Variants in SCEL observed in about 807,000 individuals in gnomAD.
The protein encoded by SCEL is sciellin.
SCEL carries 113 observed loss-of-function variants against 117.6 expected under a neutral mutation model. The observed-to-expected ratio is 0.96, with a 90% CI of 0.83 to 1.12. The LOEUF (loss-of-function observed/expected upper bound fraction) is 1.12, where lower values mean the gene tolerates loss of function less well. Ranked by LOEUF, SCEL falls within the 50% of genes most tolerant of loss-of-function variation. SCEL has a pLI of 0.00. For missense variants in SCEL, 785 were observed against 810.8 expected, an observed-to-expected ratio of 0.97 and a Z score of 0.39; for synonymous variants, 270 against 256.2, an observed-to-expected ratio of 1.05 and a Z score of -0.51.
rs755741313 is a variant in SCEL at position 77,637,251 on chromosome 13, C to CAT, written c.1838+73_1838+74dup. The CAT allele has an allele frequency of 4.7e-3, 1,949 of 412,188 alleles. 42 individuals are homozygous for CAT. The highest frequency in any genetic ancestry group is 0.035 in the African/African-American group (1,564 of 44,958). The allele number at this position is 412,188 out of a possible 1,614,324, so 25.5% of individuals were successfully genotyped here. On this transcript the variant is annotated intron_variant, in intron 30 of 32. Transcript: ENST00000349847. ...GTACACACATACAGACACACACACA[C>CAT]ATATATATATATATATACACACACA... is the stretch of plus-strand genomic sequence containing the variant.
At chr13:77,601,503 T>C (rs1262465517) in intron 15 of SCEL, among the ~76,000 whole-genome samples, 3 of 152,168 alleles carry the variant, frequency 2.0e-5, no homozygotes, top group Admixed American at 6.5e-5. Context: ...TTAGCTTTCA[T>C]ATTCGCTAAT....
intron 24 of SCEL, 29 bp downstream of exon 24, chr13:77,613,984 T>C: frequency 1.3e-6 from 2 of 1,587,870 alleles, no homozygotes; most frequent in Non-Finnish European, 1.7e-6. Flanking sequence ...TTTTGTTGTG[T>C]TTCTCGTTAA....
chr13:77,553,577 C>G (rs2084475661), intron 1 of SCEL, among the ~76,000 whole-genome samples: 1 of 152,086 alleles, frequency 6.6e-6, no homozygotes, highest in Non-Finnish European at 1.5e-5. Flanking sequence ...CTTCATTTTG[C>G]CAGAGTTTAT....
intron 9 of SCEL, among the ~76,000 whole-genome samples, chr13:77,583,420 T>A (rs572449669): frequency 2.2e-4 from 33 of 152,352 alleles, no homozygotes; most frequent in Non-Finnish European, 3.2e-4. Context: ...ACCATTCTTT[T>A]GAACATGTGC....
At chr13:77,602,808 T>C (rs1045933067) in intron 17 of SCEL, 95 bp downstream of exon 17, 4 of 1,072,854 alleles carry the variant, frequency 3.7e-6, no homozygotes, top group Non-Finnish European at 5.7e-6. Flanking sequence ...GGCTTCTCTC[T>C]TCTGTGTCTA....
intron 11 of SCEL, among the ~76,000 whole-genome samples, chr13:77,592,843 G>A (rs1472438749): frequency 1.3e-5 from 2 of 152,034 alleles, no homozygotes; most frequent in African/African-American, 4.8e-5. Context: ...GGGATTACAG[G>A]TGTGAACCAC....
chr13:77,623,436 C>G (rs2089534813), intron 27 of SCEL: 1 of 152,118 alleles, frequency 6.6e-6, no homozygotes, highest in Non-Finnish European at 1.5e-5. Context: ...TTCTTTGTTC[C>G]TTTTCCACTT....
chr13:77,637,235 T>TAC, intron 30 of SCEL, 41 bp downstream of exon 30: 3 of 881,276 alleles, frequency 3.4e-6, no homozygotes, highest in Non-Finnish European at 3.4e-6. Flanking sequence ...AGTACACACA[T>TAC]ACAGACACAC....
intron 1 of SCEL, among the ~76,000 whole-genome samples, chr13:77,544,582 G>T (rs1346712869): frequency 6.6e-6 from 1 of 152,114 alleles, no homozygotes; most frequent in African/African-American, 2.4e-5. Flanking sequence ...TTGGCTCAGG[G>T]AATTCTTGGC....
chr13:77,593,304 G>GTGTGCGCGCGTC (rs2087023866), intron 11 of SCEL, among the ~76,000 whole-genome samples: 1 of 146,706 alleles, frequency 6.8e-6, no homozygotes, highest in South Asian at 2.2e-4. Context: ...GTGTCTGTGT[G>GTGTGCGCGCGTC]TGTGTGTGTG....
At chr13:77,557,764 A>G (rs1034268594) in intron 3 of SCEL, among the ~76,000 whole-genome samples, 2 of 152,332 alleles carry the variant, frequency 1.3e-5, no homozygotes, top group Non-Finnish European at 1.5e-5. Flanking sequence ...TAAACATCCT[A>G]TAAATCACGG....
At chr13:77,611,082 A>G (rs2088615306) in intron 22 of SCEL, among the ~76,000 whole-genome samples, 1 of 152,208 alleles carries the variant, frequency 6.6e-6, no homozygotes, top group Non-Finnish European at 1.5e-5. Flanking sequence ...GTATGTGGCT[A>G]TCAAACAGAG....
At chr13:77,632,509 T>G (rs6563013) in intron 28 of SCEL, among the ~76,000 whole-genome samples, 151,639 of 152,346 alleles carry the variant, frequency 1, 75,466 homozygotes, top group East Asian at 1. Flanking sequence ...AGCTCACCTG[T>G]ATGTTTTGTG....
intron 11 of SCEL, among the ~76,000 whole-genome samples, chr13:77,593,298 C>CGCGCGTCTGTG: frequency 1.4e-5 from 1 of 73,676 alleles, no homozygotes; most frequent in Non-Finnish European, 2.8e-5. Context: ...GTGTGTGTGT[C>CGCGCGTCTGTG]TGTGTGTGTG....
At chr13:77,584,944 G>T (rs2086477932) in intron 9 of SCEL, among the ~76,000 whole-genome samples, 1 of 152,194 alleles carries the variant, frequency 6.6e-6, no homozygotes, top group African/African-American at 2.4e-5. Context: ...CATGTAAATT[G>T]CTCTTCCAGA....
At chr13:77,574,894 A>C (rs987871290) in intron 9 of SCEL, among the ~76,000 whole-genome samples, 3 of 152,160 alleles carry the variant, frequency 2.0e-5, no homozygotes, top group Non-Finnish European at 4.4e-5. Context: ...TCTCCAAAAG[A>C]ATTTTCTCGT....
At chr13:77,617,572 T>A in intron 24 of SCEL, 27 bp from the exon 25 acceptor site, 1 of 1,395,970 alleles carries the variant, frequency 7.2e-7, no homozygotes, top group Non-Finnish European at 1.0e-6. Context: ...CTAACCCAAG[T>A]TGCTTTAATA....
In SCEL at chr13:77,640,757, A is replaced by G; in HGVS notation, c.1920A>G (p.Gln640=). 1 of 1,599,040 alleles carries G rather than the reference A, an allele frequency of 6.3e-7. No individual in the cohort carries two copies. The highest frequency in any genetic ancestry group is 1.7e-5 in the Admixed American group (1 of 59,324). Residue 640 remains glutamine, a synonymous_variant, in exon 31 of 33, where the codon CAA becomes CAG. Coordinates refer to ENST00000349847, the MANE Select transcript of SCEL (RefSeq NM_144777.3). ...CTAAAATGATTTTAGATGAATTACA[A>G]ATTTGCTGCCATTCTACTTGCTTTA... is the stretch of plus-strand genomic sequence containing the variant. ...VETKMILDEL[Q]ICCHSTCFKC... is the part of the protein sequence containing the mutation.
chr13:77,604,448 T>A, intron 19 of SCEL, 33 bp downstream of exon 19: 4 of 1,526,712 alleles, frequency 2.6e-6, no homozygotes, highest in Non-Finnish European at 2.6e-6. Flanking sequence ...CTCCCCTTTG[T>A]TTGGCATTTA....
Sources: gnomAD v4.1 joint callset for allele counts (sites outside exome capture counted in the v4.1 genomes callset) on GRCh38, gnomAD v4.1.1 for gene constraint, MANE v1.5 for transcripts, NCBI Gene and HGNC (gene_info 2026-07-23, HGNC 2026-07-21) for gene names.